MFSD11: variants seen among roughly 807,000 people sequenced by gnomAD.
The protein encoded by MFSD11 is major facilitator superfamily domain containing 11.
In MFSD11, 36 loss-of-function variants were observed where a neutral mutation model predicts 53.5. The observed-to-expected ratio is 0.67, with a 90% CI of 0.52 to 0.89. MFSD11 has a LOEUF of 0.89. Ranked by LOEUF, MFSD11 falls within the 40% of genes least tolerant of loss-of-function variation. MFSD11 has a pLI of 0.00. For missense variants in MFSD11, 530 were observed against 543.9 expected, an observed-to-expected ratio of 0.97 and a Z score of 0.25; for synonymous variants, 186 against 184.9, an observed-to-expected ratio of 1.01 and a Z score of -0.05.
At chr17:76,780,256 G>A (rs1054404576), downstream of MFSD11, among the ~76,000 whole-genome samples, 18 of 152,048 alleles carry the variant, frequency 1.2e-4, no homozygotes, top group African/African-American at 4.1e-4. Flanking sequence ...TGGCAACCAC[G>A]AATCTACTTT....
the MFSD11 span, among the ~76,000 whole-genome samples, chr17:76,801,207 C>T: frequency 2.6e-5 from 4 of 151,672 alleles, no homozygotes; most frequent in South Asian, 4.2e-4. Context: ...GCCTGGCCAA[C>T]ATGGCAAAAC....
At chr17:76,801,960 C>G in the MFSD11 span, among the ~76,000 whole-genome samples, 2 of 152,046 alleles carry the variant, frequency 1.3e-5, no homozygotes, top group Non-Finnish European at 2.9e-5. Flanking sequence ...AAGATAGAGT[C>G]GCTCTGGTTT....
At position 76,776,942 on chromosome 17, in the gene MFSD11, C is replaced by T. The variant is rs537314747; in HGVS notation, c.1185+401C>T. Among the ~76,000 whole-genome samples the T allele has an allele frequency of 4.6e-5, 7 of 152,006 alleles. No homozygotes were observed. The highest frequency in any genetic ancestry group is 2.1e-4 in the South Asian group (1 of 4,810). ...GCTGGGGATTATATGCGTGAGCCAC[C>T]GCACCTGGTCTATTTTTTTATTTTA... is the stretch of plus-strand genomic sequence containing the variant. On this transcript the variant is annotated intron_variant, in intron 12 of 12. Transcript: ENST00000685175. This position sits in a 1 kb window ranked among gnomAD's most constrained non-coding sequence, Gnocchi z 4.2.
At chr17:76,764,272 G>T (rs2080588942) in intron 8 of MFSD11, among the ~76,000 whole-genome samples, 1 of 152,066 alleles carries the variant, frequency 6.6e-6, no homozygotes, top group African/African-American at 2.4e-5. Context: ...GAACATTTAA[G>T]ATCTACTTTC....
chr17:76,781,881 G>C (rs951015454), downstream of MFSD11, among the ~76,000 whole-genome samples: 1 of 152,100 alleles, frequency 6.6e-6, no homozygotes, highest in African/African-American at 2.4e-5. Flanking sequence ...GATCACAGTG[G>C]CACAGTCATG....
At chr17:76,756,818 C>T (rs1333488555) in intron 8 of MFSD11, among the ~76,000 whole-genome samples, 1 of 151,416 alleles carries the variant, frequency 6.6e-6, no homozygotes, top group African/African-American at 2.4e-5. Context: ...CGAGATTGCG[C>T]CACTGCACTC....
chr17:76,746,744 G>T (rs1598519202), intron 7 of MFSD11, among the ~76,000 whole-genome samples: 1 of 152,148 alleles, frequency 6.6e-6, no homozygotes, highest in South Asian at 2.1e-4. Context: ...TAAGCCCACT[G>T]TTGAGACCTA....
At chr17:76,747,027 A>G (rs1598522113) in intron 7 of MFSD11, among the ~76,000 whole-genome samples, 1 of 151,480 alleles carries the variant, frequency 6.6e-6, no homozygotes, top group East Asian at 1.9e-4. Context: ...CTCCTGCCTC[A>G]GCCTCCTCAG....
intron 9 of MFSD11, among the ~76,000 whole-genome samples, chr17:76,768,827 A>C (rs1041286907): frequency 6.6e-6 from 1 of 152,054 alleles, no homozygotes; most frequent in Non-Finnish European, 1.5e-5. Context: ...TCTACTAAAA[A>C]TACATAAATT....
chr17:76,791,685 A>G, the MFSD11 span, among the ~76,000 whole-genome samples: 3 of 148,756 alleles, frequency 2.0e-5, no homozygotes, highest in Admixed American at 2.0e-4. Flanking sequence ...TTCTGCAGGA[A>G]ATGATTTGTT....
intron 8 of MFSD11, among the ~76,000 whole-genome samples, chr17:76,766,575 G>C (rs2080878544): frequency 1.3e-5 from 2 of 152,090 alleles, no homozygotes; most frequent in Admixed American, 1.3e-4. Context: ...GGTACAAAAT[G>C]TCTTCTTATA....
chr17:76,765,017 G>A (rs563112054), intron 8 of MFSD11, among the ~76,000 whole-genome samples: 1 of 152,272 alleles, frequency 6.6e-6, no homozygotes, highest in East Asian at 1.9e-4. Context: ...TAATTTTGAT[G>A]TAGTCAATTT....
chr17:76,751,356 C>T (rs570729458), intron 7 of MFSD11, among the ~76,000 whole-genome samples: 43 of 150,750 alleles, frequency 2.9e-4, no homozygotes, highest in African/African-American at 1.0e-3. Context: ...TGCCACTGCA[C>T]TCCAGTCTGG....
At position 76,778,439 on chromosome 17, in the gene MFSD11, A is replaced by G. The variant is rs946025051; in HGVS notation, c.*87A>G. On this transcript the variant is annotated 3_prime_UTR_variant, in exon 13 of 13. Coordinates refer to ENST00000685175, the MANE Select transcript of MFSD11 (RefSeq NM_001242532.5). The stretch of plus-strand genomic sequence containing the variant: ...GAAGAAGTCGCCTTTGATCTTCACT[A>G]TATATTGGGTGATGTTCAGTATGGA... 4.6e-6 allele frequency: 6 copies of G among 1,305,810 alleles called. No homozygotes were observed. The African/African-American group carries it at 8.8e-5, about 19-fold the overall frequency. 80.9% of individuals were successfully genotyped at this position (1,305,810 alleles called of 1,614,324 possible).
Position 76,738,198 on chromosome 17 carries a change from C to T in MFSD11, c.-155C>T, listed in dbSNP as rs1248417521. On this transcript the variant is annotated 5_prime_UTR_variant, in exon 1 of 13. Transcript: ENST00000685175. ...GAACTTCGCCCTAAACCTGGGGTTC[C>T]GATCCAGGAACTGGAAGTTGACAGC... The T allele has an allele frequency of 3.2e-6, 2 of 618,040 alleles. No homozygotes were observed. 38.3% of individuals were successfully genotyped at this position (618,040 alleles called of 1,614,324 possible).
chr17:76,755,812 A>ATATATTTTTTTTTTTTTT (rs1555669398), intron 8 of MFSD11, among the ~76,000 whole-genome samples: 1 of 19,518 alleles, frequency 5.1e-5, no homozygotes, highest in African/African-American at 1.6e-4. Flanking sequence ...ATATATATAT[A>ATATATTTTTTTTTTTTTT]TTTTTTTTTT....
the MFSD11 span, among the ~76,000 whole-genome samples, chr17:76,787,197 G>A: frequency 1.5e-4 from 22 of 148,830 alleles, no homozygotes; most frequent in Middle Eastern, 3.6e-3. Context: ...GTGCGGTGGT[G>A]TGATCTCGAC....
Position 76,769,880 on chromosome 17 carries a change from T to A in MFSD11, c.874+9T>A, listed in dbSNP as rs757289115. ...CATTGGAGAAATTTTAGGTTGGTTT[T>A]AAAAAAAAGCGTTTGCATTAAAAAT... is the stretch of plus-strand genomic sequence containing the variant. On this transcript the variant is annotated intron_variant, in intron 10 of 12. Transcript: ENST00000685175. The A allele has an allele frequency of 4.4e-6, 7 of 1,600,104 alleles. No individual in the cohort carries two copies. The East Asian group carries it at 6.7e-5, about 15-fold the overall frequency.
chr17:76,739,606 T>C (rs2077856542), intron 2 of MFSD11, among the ~76,000 whole-genome samples: 1 of 152,212 alleles, frequency 6.6e-6, no homozygotes, highest in Non-Finnish European at 1.5e-5. Context: ...GAAAATTGCC[T>C]GTTATTTATT....
Sources: allele counts gnomAD v4.1 joint callset (sites outside exome capture counted in the v4.1 genomes callset), GRCh38; gene constraint gnomAD v4.1.1; non-coding constraint Gnocchi (gnomAD v3.1); transcripts MANE v1.5; gene names NCBI Gene and HGNC (gene_info 2026-07-23, HGNC 2026-07-21).